GALC: variants seen among roughly 807,000 people sequenced by gnomAD.
The protein encoded by GALC is galactocerebrosidase.
A neutral mutation model predicts 91.8 loss-of-function variants in GALC; 77 were observed. The ratio of observed to expected loss-of-function variants is 0.84; its 90% CI spans 0.70 to 1.01. The LOEUF (loss-of-function observed/expected upper bound fraction) is 1.01, where lower values mean the gene tolerates loss of function less well. Among genes scored for constraint, GALC ranks in the 50% least tolerant of loss-of-function variants. The probability of loss-of-function intolerance (pLI) is 0.00; values close to 1 mark genes in which losing one functional copy is unlikely to be tolerated. For synonymous variants in GALC, 357 were observed against 306.7 expected, an observed-to-expected ratio of 1.16 and a Z score of -1.71; for missense variants, 882 against 855.9, an observed-to-expected ratio of 1.03 and a Z score of -0.38.
chr14:87,939,089 C>A (rs953242916), intron 16 of GALC, among the ~76,000 whole-genome samples: 2 of 151,898 alleles, frequency 1.3e-5, no homozygotes, highest in Admixed American at 6.6e-5. Context: ...AAAAAATCTT[C>A]AAATTCAATA....
In GALC at chr14:87,934,367, G is replaced by A. The variant is rs1884480769; in HGVS notation, c.*365C>T. The A allele has an allele frequency of 7.9e-7, 1 of 1,265,908 alleles. No individual in the cohort carries two copies. Among genetic ancestry groups the A allele is most frequent in the Non-Finnish European group, 1.0e-6 (1 of 997,280 alleles). The allele number at this position is 1,265,908 out of a possible 1,614,324, so 78.4% of individuals were successfully genotyped here. On this transcript the variant is annotated 3_prime_UTR_variant, in exon 17 of 17. Coordinates refer to ENST00000261304, the MANE Select transcript of GALC (RefSeq NM_000153.4). ...GCATGCATAAATACATCTCAGTGAT[G>A]ATCAAGTTACTGCCATCTACAGGAC...
At chr14:87,976,564 T>C (rs1886502149) in intron 6 of GALC, 76 bp from the exon 7 acceptor site, 5 of 1,176,798 alleles carry the variant, frequency 4.2e-6, no homozygotes, top group Non-Finnish European at 6.3e-6. Flanking sequence ...CCAAGATAGA[T>C]AAAGTTATCT....
chr14:87,936,689 G>C (rs983873230), intron 16 of GALC, among the ~76,000 whole-genome samples: 3 of 151,474 alleles, frequency 2.0e-5, no homozygotes, highest in Non-Finnish European at 2.9e-5. Flanking sequence ...ATATAAGAAT[G>C]AAACACATTT....
chr14:87,967,672 T>C (rs922146550), intron 8 of GALC, among the ~76,000 whole-genome samples: 1 of 152,154 alleles, frequency 6.6e-6, no homozygotes, highest in Non-Finnish European at 1.5e-5. Context: ...CAATTACACA[T>C]ATCAAGTGAT....
chr14:87,978,075 G>A lies in GALC; in HGVS notation c.622-1587C>T, dbSNP rs189314104. Among the ~76,000 whole-genome samples the A allele has an allele frequency of 3.5e-3, 537 of 152,238 alleles. 3 individuals carry two copies. The highest frequency in any genetic ancestry group is 4.9e-3 in the Non-Finnish European group (331 of 68,018). On this transcript the variant is annotated intron_variant, in intron 6 of 16. Coordinates refer to ENST00000261304, the MANE Select transcript of GALC (RefSeq NM_000153.4). ...TGAAGTTCTTCCTTTTCTTTGAGACGGAGTTTCGCTCTTGTTGCCCAGGCT... is the reference window on the plus strand; with the variant it reads ...TGAAGTTCTTCCTTTTCTTTGAGACAGAGTTTCGCTCTTGTTGCCCAGGCT...
intron 7 of GALC, among the ~76,000 whole-genome samples, chr14:87,969,983 C>T (rs1886218416): frequency 6.6e-6 from 1 of 152,188 alleles, no homozygotes; most frequent in African/African-American, 2.4e-5. Context: ...ATCTACACTA[C>T]AAAGATACCA....
intron 1 of GALC, among the ~76,000 whole-genome samples, chr14:87,989,068 G>T (rs1887089672): frequency 6.6e-6 from 1 of 152,220 alleles, no homozygotes; most frequent in South Asian, 2.1e-4. Flanking sequence ...AGGGTAGACA[G>T]CGCAGGGACC....
intron 7 of GALC, among the ~76,000 whole-genome samples, chr14:87,973,239 T>C (rs1886367475): frequency 6.6e-6 from 1 of 152,202 alleles, no homozygotes; most frequent in Non-Finnish European, 1.5e-5. Context: ...ATTGTTTCCA[T>C]TAGCACTTTC....
At chr14:87,980,453 TC>T in intron 6 of GALC, 1 of 962,460 alleles carries the variant, frequency 1.0e-6, no homozygotes, top group Non-Finnish European at 1.2e-6. Context: ...CCACTCTTCC[TC>T]CATTGTCTAA....
At chr14:87,988,077 C>T (rs1887046741) in intron 3 of GALC, 67 bp downstream of exon 3, 2 of 1,177,408 alleles carry the variant, frequency 1.7e-6, no homozygotes, top group African/African-American at 1.5e-5. Flanking sequence ...TCTGAAATCA[C>T]AGTCCATATG....
intron 6 of GALC, among the ~76,000 whole-genome samples, chr14:87,980,007 G>T (rs994983475): frequency 4.6e-5 from 7 of 151,964 alleles, no homozygotes; most frequent in Middle Eastern, 6.8e-3. Flanking sequence ...ACCTGGAATT[G>T]CCCTTGAGTA....
chr14:87,936,914 T>TATATATACATA, intron 16 of GALC, among the ~76,000 whole-genome samples: 1 of 105,638 alleles, frequency 9.5e-6, no homozygotes, highest in East Asian at 3.5e-4. Flanking sequence ...ATATATATAT[T>TATATATACATA]TATTTATTTT....
At chr14:87,980,595 A>T (rs1031102709) in intron 6 of GALC, 1 of 584,174 alleles carries the variant, frequency 1.7e-6, no homozygotes, top group Non-Finnish European at 2.1e-6. Flanking sequence ...TTCAAATTAC[A>T]CATCACCTCC....
Position 87,933,844 on chromosome 14 carries a change from C to T in GALC, c.*888G>A. On this transcript the variant is annotated 3_prime_UTR_variant, in exon 17 of 17. Transcript: ENST00000261304. ...GAGTTAGCAAATGTCTAAGTGCTCC[C>T]CTCCTTCCACACATAAGGAGAGAAA... is the stretch of plus-strand genomic sequence containing the variant. 1 of 698,426 alleles carries T rather than the reference C, an allele frequency of 1.4e-6. No individual in the cohort carries two copies. Among genetic ancestry groups the T allele is most frequent in the Non-Finnish European group, 2.4e-6 (1 of 419,834 alleles). The allele number at this position is 698,426 out of a possible 1,614,324, so 43.3% of individuals were successfully genotyped here.
chr14:87,984,450 C>A lies in GALC; in HGVS notation c.526G>T (p.Val176Leu). The stretch of plus-strand genomic sequence containing the variant: ...CGCTTGGCGCCCACAATCCAGGTCA[C>A]GACATAATAGGCAGTCAGCTGAAGA... Reference protein sequence around the residue: ...VNLQLTAYYVVTWIVGAKRYH... With the variant: ...VNLQLTAYYVLTWIVGAKRYH... The change falls in exon 5 of 17, where the codon GTG (valine) becomes TTG (leucine). Residue 176 changes from valine (V) to leucine (L), a missense_variant. Transcript: ENST00000261304. 2 of 1,614,040 alleles carry A rather than the reference C, an allele frequency of 1.2e-6. No homozygotes were observed. Among genetic ancestry groups the A allele is most frequent in the Non-Finnish European group, 1.7e-6 (2 of 1,179,974 alleles).
At chr14:87,968,194 T>C (rs1276262419) in intron 8 of GALC, 141 bp downstream of exon 8, 1 of 655,032 alleles carries the variant, frequency 1.5e-6, no homozygotes, top group East Asian at 2.7e-5. Context: ...GGTATAGGTA[T>C]ACAAATAGAT....
chr14:87,984,331 A>C (rs1886877095), intron 5 of GALC, 63 bp downstream of exon 5: 1 of 1,520,854 alleles, frequency 6.6e-7, no homozygotes, highest in Non-Finnish European at 9.0e-7. Flanking sequence ...CACAGAATCA[A>C]ATTATTTTCT....
chr14:87,934,365 A>T lies in GALC; in HGVS notation c.*367T>A, dbSNP rs779773000. On this transcript the variant is annotated 3_prime_UTR_variant, in exon 17 of 17. Coordinates refer to ENST00000261304, the MANE Select transcript of GALC (RefSeq NM_000153.4). ...CAGCATGCATAAATACATCTCAGTG[A>T]TGATCAAGTTACTGCCATCTACAGG... The T allele has an allele frequency of 1.0e-5, 13 of 1,268,120 alleles. No homozygotes were observed. The highest frequency in any genetic ancestry group is 1.2e-5 in the Non-Finnish European group (12 of 998,468). 78.6% of individuals were successfully genotyped at this position (1,268,120 alleles called of 1,614,324 possible).
chr14:87,963,044 T>A (rs1885875766), intron 10 of GALC, among the ~76,000 whole-genome samples: 1 of 151,956 alleles, frequency 6.6e-6, no homozygotes, highest in Non-Finnish European at 1.5e-5. Flanking sequence ...AACCTGAGGA[T>A]GAAAAAGGAA....
Sources: gnomAD v4.1 joint callset for allele counts (sites outside exome capture counted in the v4.1 genomes callset) on GRCh38, gnomAD v4.1.1 for gene constraint, MANE v1.5 for transcripts, NCBI Gene and HGNC (gene_info 2026-07-23, HGNC 2026-07-21) for gene names.